Variants in ANO10 observed in about 807,000 individuals in gnomAD.
ANO10 encodes anoctamin-10.
A neutral mutation model predicts 74.7 loss-of-function variants in ANO10; 77 were observed. The observed-to-expected ratio is 1.03, with a 90% CI of 0.86 to 1.25. ANO10 has a LOEUF of 1.25. ANO10 is among the 50% of genes most tolerant of loss of function. The pLI is 0.00. For missense variants in ANO10, 721 were observed against 778.1 expected (o/e 0.93, Z 0.87); for synonymous variants, 279 against 284.9 (o/e 0.98, Z 0.21).
intron 1 of ANO10, chr3:43,690,906 G>T: frequency 7.0e-7 from 1 of 1,424,148 alleles, no homozygotes; most frequent in Non-Finnish European, 9.3e-7. Context: ...GGCCTGCGCC[G>T]CCTTAAGTGC....
chr3:43,669,523 A>G (rs1192642539), intron 1 of ANO10, among the ~76,000 whole-genome samples: 1 of 152,080 alleles, frequency 6.6e-6, no homozygotes, highest in Non-Finnish European at 1.5e-5. Context: ...GGTCTGGTTA[A>G]GTTGTGATTT....
chr3:43,691,514 T>C (rs2084384387), intron 1 of ANO10: 1 of 152,656 alleles, frequency 6.6e-6, no homozygotes, highest in Admixed American at 6.5e-5. Flanking sequence ...CTACAGGTAC[T>C]ACCTGTGCTC....
At chr3:43,527,279 T>C (rs2078247945) in intron 11 of ANO10, among the ~76,000 whole-genome samples, 1 of 152,086 alleles carries the variant, frequency 6.6e-6, no homozygotes, top group Non-Finnish European at 1.5e-5. Flanking sequence ...TATTAGAGGT[T>C]TACCATTATG....
chr3:43,379,321 T>C (rs967419348), intron 12 of ANO10, among the ~76,000 whole-genome samples: 7 of 152,218 alleles, frequency 4.6e-5, no homozygotes, highest in Non-Finnish European at 1.0e-4. Context: ...TTATTAAAAA[T>C]ATTGAATGTG....
chr3:43,623,603 C>T (rs566971617), upstream of ANO10, among the ~76,000 whole-genome samples: 1 of 152,334 alleles, frequency 6.6e-6, no homozygotes, highest in African/African-American at 2.4e-5. Flanking sequence ...AGATCAATGC[C>T]TCAACAAACT....
At chr3:43,539,155 C>T (rs1393140546) in intron 11 of ANO10, among the ~76,000 whole-genome samples, 1 of 152,148 alleles carries the variant, frequency 6.6e-6, no homozygotes, top group East Asian at 1.9e-4. Context: ...CTCCTGCTCC[C>T]TCCTGGTACT....
Position 43,366,917 on chromosome 3 carries a change from TCTC to T in ANO10, c.1969_1971del (p.Glu657del), listed in dbSNP as rs762952996. 1.8e-5 allele frequency: 28 copies of T among 1,593,586 alleles called. No individual in the cohort carries two copies. Among genetic ancestry groups the T allele is most frequent in the African/African-American group, 2.7e-5 (2 of 74,512 alleles). On this transcript the variant is annotated inframe_deletion, in exon 13 of 13. Coordinates refer to ENST00000292246, the MANE Select transcript of ANO10 (RefSeq NM_018075.5). ...GGCACGCTGGGCACTCAGGTTGCCT[TCTC>T]CTTCCCGCTTTCCATTGGTTCCTCC...
At chr3:43,665,518 A>G (rs1342796811) in intron 1 of ANO10, among the ~76,000 whole-genome samples, 1 of 152,130 alleles carries the variant, frequency 6.6e-6, no homozygotes, top group Non-Finnish European at 1.5e-5. Flanking sequence ...AACTTAACAT[A>G]TATAATTTAA....
At chr3:43,581,145 T>C (rs2081246617) in intron 4 of ANO10, among the ~76,000 whole-genome samples, 1 of 152,204 alleles carries the variant, frequency 6.6e-6, no homozygotes, top group Non-Finnish European at 1.5e-5. Context: ...TATTATAAAA[T>C]TGTCTCCAGA....
At chr3:43,495,523 G>C (rs1230851666) in intron 11 of ANO10, among the ~76,000 whole-genome samples, 1 of 151,988 alleles carries the variant, frequency 6.6e-6, no homozygotes, top group East Asian at 2.0e-4. Flanking sequence ...AAATTCACAA[G>C]AAGAAGATAA....
rs1332552844 is a variant in ANO10 at position 43,552,714 on chromosome 3, ATATATATATATATATGTATG to A, written c.1668+2544_1668+2563del. On this transcript the variant is annotated intron_variant, in intron 10 of 12. Transcript: ENST00000292246. ...TATCTCTGGATATATATATATATAT[ATATATATATATATATGTATG>A]TATGTATGTATGTATGTATGTATGT... Among the ~76,000 whole-genome samples the A allele has an allele frequency of 1.3e-3, 173 of 133,564 alleles. 1 individual carries two copies. Among genetic ancestry groups the A allele is most frequent in the Middle Eastern group, 3.6e-3 (1 of 276 alleles). The allele number at this position is 133,564 out of a possible 152,430, so 87.6% of individuals were successfully genotyped here.
At chr3:43,368,992 A>T (rs1463854763) in intron 12 of ANO10, among the ~76,000 whole-genome samples, 1 of 152,264 alleles carries the variant, frequency 6.6e-6, no homozygotes, top group Non-Finnish European at 1.5e-5. Flanking sequence ...TGGTGGCTGG[A>T]AGCCCCGTGA....
upstream of ANO10, among the ~76,000 whole-genome samples, chr3:43,623,500 G>A (rs1436370713): frequency 6.6e-6 from 1 of 152,220 alleles, no homozygotes; most frequent in Non-Finnish European, 1.5e-5. Context: ...GTTTAGAACA[G>A]TGTTAGGTCC....
intron 11 of ANO10, among the ~76,000 whole-genome samples, chr3:43,538,581 T>C (rs1276049973): frequency 6.6e-6 from 1 of 152,078 alleles, no homozygotes; most frequent in Non-Finnish European, 1.5e-5. Flanking sequence ...ATGGCAGGCA[T>C]AAAGAACTGG....
chr3:43,519,162 G>A (rs531646511), intron 11 of ANO10, among the ~76,000 whole-genome samples: 12 of 152,206 alleles, frequency 7.9e-5, no homozygotes, highest in East Asian at 1.9e-4. Flanking sequence ...AAGAACCTAC[G>A]TTGAAATATC....
At chr3:43,661,110 A>C (rs2083920466) in intron 1 of ANO10, among the ~76,000 whole-genome samples, 1 of 152,238 alleles carries the variant, frequency 6.6e-6, no homozygotes. Flanking sequence ...TGTCAGATTC[A>C]CCAAGGTTGA....
intron 1 of ANO10, chr3:43,652,838 T>C (rs1222153295): frequency 6.6e-6 from 1 of 152,016 alleles, no homozygotes; most frequent in East Asian, 1.9e-4. Context: ...ATACTGTTAA[T>C]AAAATTTTAC....
chr3:43,400,438 T>C (rs1170191247), intron 12 of ANO10, among the ~76,000 whole-genome samples: 1 of 152,014 alleles, frequency 6.6e-6, no homozygotes, highest in Non-Finnish European at 1.5e-5. Flanking sequence ...GTCCTCTGGC[T>C]TTCTGGGTCT....
intron 11 of ANO10, among the ~76,000 whole-genome samples, chr3:43,478,750 A>G (rs2076164531): frequency 6.6e-6 from 1 of 152,232 alleles, no homozygotes. Context: ...TTCACACCAT[A>G]CATATGTAGC....
Sources: allele counts gnomAD v4.1 joint callset (sites outside exome capture counted in the v4.1 genomes callset), GRCh38; gene constraint gnomAD v4.1.1; transcripts MANE v1.5; gene names NCBI Gene and HGNC (gene_info 2026-07-23, HGNC 2026-07-21).